The following ARSH variants were observed in gnomAD, a reference collection of about 807,000 sequenced individuals.
ARSH encodes arylsulfatase H.
In ARSH, 32 loss-of-function variants were observed where a neutral mutation model predicts 28.7. That is an observed-to-expected ratio of 1.11 (90% CI 0.84 to 1.50). The LOEUF (loss-of-function observed/expected upper bound fraction) is 1.50, where lower values mean the gene tolerates loss of function less well. ARSH is among the 40% of genes most tolerant of loss of function. The pLI, the probability that ARSH is intolerant of heterozygous loss-of-function variation, is 0.00. For missense variants in ARSH, 440 were observed against 452.4 expected, an observed-to-expected ratio of 0.97 and a Z score of 0.25; for synonymous variants, 176 against 177.3, an observed-to-expected ratio of 0.99 and a Z score of 0.06.
rs1001835813 is a variant in ARSH, at chrX:3,034,006, G to GA, written c.*625dup. On this transcript the variant is annotated 3_prime_UTR_variant, in exon 9 of 9. Transcript: ENST00000381130. Reference sequence around the variant, plus strand: ...TTGGTTTCTTCATGTGTAAAATAAGGAAAACCAGTGTCTACTTCACAGAGT... The same window carrying GA: ...TTGGTTTCTTCATGTGTAAAATAAGGAAAAACCAGTGTCTACTTCACAGAGT... 1.8e-5 allele frequency among the ~76,000 whole-genome samples: 2 copies of GA among 111,714 alleles called. No homozygotes were observed. The highest frequency in any genetic ancestry group is 3.8e-5 in the Non-Finnish European group (2 of 53,250).
rs1244098213 is a variant in ARSH at position 3,033,164 on chromosome X, T to G, written c.1468T>G (p.Ser490Ala). Reference protein sequence around the residue: ...PLLFDISRDPSEALPLNPDNE... With the variant: ...PLLFDISRDPAEALPLNPDNE... Reference sequence around the variant, plus strand: ...CCTCTTTGACATCTCAAGAGACCCTTCAGAAGCCCTTCCACTGAACCCTGA... The same window carrying G: ...CCTCTTTGACATCTCAAGAGACCCTGCAGAAGCCCTTCCACTGAACCCTGA... Residue 490 changes from serine to alanine, a missense_variant, in exon 9 of 9, where the codon TCA (serine) becomes GCA (alanine). Coordinates refer to ENST00000381130, the MANE Select transcript of ARSH (RefSeq NM_001011719.2). 2 of 1,211,180 alleles carry G rather than the reference T, an allele frequency of 1.7e-6. No homozygotes were observed. The highest frequency in any genetic ancestry group is 3.0e-5 in the East Asian group (1 of 33,807).
chrX:3,015,448 T>C (rs1176637943), intron 4 of ARSH, 55 bp downstream of exon 4: 5 of 1,103,593 alleles, frequency 4.5e-6, no homozygotes, highest in South Asian at 2.2e-5. Context: ...TTTTATTTCA[T>C]AGGAGGTCAT....
At chrX:3,027,218 C>A in intron 6 of ARSH, 95 bp from the exon 7 acceptor site, 2 of 1,004,481 alleles carry the variant, frequency 2.0e-6, no homozygotes, top group South Asian at 2.2e-5. Context: ...CCTCGGCCCC[C>A]CAAAGTGCTG....
intron 2 of ARSH, among the ~76,000 whole-genome samples, chrX:3,011,485 G>A (rs1464649764): frequency 9.0e-6 from 1 of 111,521 alleles, no homozygotes; most frequent in Non-Finnish European, 1.9e-5. Flanking sequence ...CTGGCCTCAT[G>A]TGTGATCCAC....
intron 3 of ARSH, among the ~76,000 whole-genome samples, 170 bp downstream of exon 3, chrX:3,013,342 A>G (rs1197619030): frequency 9.3e-6 from 1 of 107,987 alleles, no homozygotes; most frequent in Non-Finnish European, 1.9e-5. Flanking sequence ...GCATGTGTAG[A>G]ATCGAGGGCA....
In ARSH at chrX:3,014,843, G is replaced by C. The variant is rs746999483; in HGVS notation, c.341-127G>C. On this transcript the variant is annotated intron_variant, in intron 3 of 8. Coordinates refer to ENST00000381130, the MANE Select transcript of ARSH (RefSeq NM_001011719.2). ...CCAGGGAGGTATTTGGGGATATCAA[G>C]AAAAAACCATGATGACAACAGAATG... The C allele has an allele frequency of 6.3e-5, 44 of 699,278 alleles. No homozygotes were observed. In the East Asian group the frequency reaches 1.4e-3, roughly 23 times the overall value. 57.6% of individuals were successfully genotyped at this position (699,278 alleles called of 1,213,427 possible).
chrX:3,020,274 C>CAAAAAAAAA lies in ARSH; in HGVS notation c.901+1627_901+1635dup, dbSNP rs59713321. On this transcript the variant is annotated intron_variant, in intron 5 of 8. Coordinates refer to ENST00000381130, the MANE Select transcript of ARSH (RefSeq NM_001011719.2). ...ACCACTGTACTCCAAGACCCCGTCT[C>CAAAAAAAAA]AAAAAAAAAAAAAAAAAAAAAAAAA... Among the ~76,000 whole-genome samples, 20 of 13,845 alleles carry CAAAAAAAAA rather than the reference C, an allele frequency of 1.4e-3. 3 individuals carry two copies. The highest frequency in any genetic ancestry group is 8.5e-3 in the African/African-American group (19 of 2,247). The allele number at this position is 13,845 out of a possible 115,157, so 12.0% of individuals were successfully genotyped here.
At position 3,028,894 on chromosome X, in the gene ARSH, A is replaced by G. The variant is rs112756925; in HGVS notation, c.1200-353A>G. ...GGAGTTCGAGACCAGCCTGGCCAAC[A>G]TGGTGAAACCCCGTCTGTACTAAAA... On this transcript the variant is annotated intron_variant, in intron 7 of 8. Transcript: ENST00000381130. 6.5e-3 allele frequency among the ~76,000 whole-genome samples: 716 copies of G among 109,662 alleles called. 11 individuals are homozygous for G. The highest frequency in any genetic ancestry group is 0.022 in the African/African-American group (650 of 30,151).
At chrX:3,008,449 TTTTCTTTCTTTCTTTCTTTCTTTCTTTC>T (rs554017732) in intron 1 of ARSH, among the ~76,000 whole-genome samples, 117 of 75,854 alleles carry the variant, frequency 1.5e-3, no homozygotes, top group Admixed American at 2.8e-3. Flanking sequence ...CTTCTTCTTA[TTTTCTTTCTTTCTTTCTTTCTTTCTTTC>T]TTTCTTTCTT....
intron 2 of ARSH, among the ~76,000 whole-genome samples, chrX:3,012,596 T>TA (rs1357894018): frequency 0.036 from 868 of 24,047 alleles, 28 homozygotes; most frequent in Non-Finnish European, 0.044. Flanking sequence ...TATATATATA[T>TA]ATAATATATA....
chrX:3,020,364 C>T (rs1473300215), intron 5 of ARSH, among the ~76,000 whole-genome samples: 2 of 98,468 alleles, frequency 2.0e-5, no homozygotes, highest in East Asian at 6.4e-4. Context: ...CCGAGGCGGG[C>T]GGATCACAAA....
intron 1 of ARSH, among the ~76,000 whole-genome samples, chrX:3,007,205 C>A (rs2089830358): frequency 9.2e-6 from 1 of 108,442 alleles, no homozygotes; most frequent in African/African-American, 3.4e-5. Flanking sequence ...GCTATGATCC[C>A]ACCACTGCAC....
At position 3,012,116 on chromosome X, in the gene ARSH, C is replaced by T. The variant is rs757705715; in HGVS notation, c.215-931C>T. 1.6e-4 allele frequency among the ~76,000 whole-genome samples: 18 copies of T among 112,297 alleles called. No individual in the cohort carries two copies. In the East Asian group the frequency reaches 3.4e-3, roughly 21 times the overall value. ...CCTCCCAAAACACTGGGATTACAGG[C>T]GTAAGCCACTGAGCCCGGCCTGAAA... On this transcript the variant is annotated intron_variant, in intron 2 of 8. Coordinates refer to ENST00000381130, the MANE Select transcript of ARSH (RefSeq NM_001011719.2).
chrX:3,025,106 A>T (rs1260663008), intron 6 of ARSH, among the ~76,000 whole-genome samples: 2 of 109,304 alleles, frequency 1.8e-5, no homozygotes, highest in East Asian at 5.7e-4. Context: ...AATCATATAT[A>T]TTCATCATAT....
Position 3,015,114 on chromosome X carries a change from G to A in ARSH, c.485G>A (p.Trp162Ter). 2 of 1,210,010 alleles carry A rather than the reference G, an allele frequency of 1.7e-6. No homozygotes were observed. Among genetic ancestry groups the A allele is most frequent in the Non-Finnish European group, 2.2e-6 (2 of 894,664 alleles). ...QASKTPELHR[W>*]LRIKLWISTV... ...TCCAAGACACCAGAACTGCACCGCT[G>A]GCTCAGGATCAAACTGTGGATCTCC... is the stretch of plus-strand genomic sequence containing the variant. The change falls in exon 4 of 9, where the codon TGG (tryptophan) becomes TAG (stop). Residue 162 changes from tryptophan (W) to a stop codon, truncating the protein, a stop_gained. Transcript: ENST00000381130. LOFTEE classifies it high-confidence loss of function.
rs755907480 is a variant in ARSH at position 3,027,380 on chromosome X, C to G, written c.1104C>G (p.Val368=). 4 of 1,209,525 alleles carry G rather than the reference C, an allele frequency of 3.3e-6. No individual in the cohort carries two copies. The East Asian group carries it at 1.2e-4, about 36-fold the overall frequency. ...CAGGGATATTCCGGTGGCCGTCAGT[C>G]TTGGAGGCTGGGAGAGTGATCAATG... ...RVPGIFRWPS[V]LEAGRVINEP... Residue 368 remains valine (V), a synonymous_variant, in exon 7 of 9, where the codon GTC becomes GTG. Coordinates refer to ENST00000381130, the MANE Select transcript of ARSH (RefSeq NM_001011719.2).
At chrX:3,007,004 G>A (rs1378242976) in intron 1 of ARSH, among the ~76,000 whole-genome samples, 1 of 110,465 alleles carries the variant, frequency 9.1e-6, no homozygotes, top group Non-Finnish European at 1.9e-5. Context: ...CACTTTGGAA[G>A]GCCAAGGTGG....
At chrX:3,020,507 T>C (rs773898634) in intron 5 of ARSH, among the ~76,000 whole-genome samples, 2,507 of 95,742 alleles carry the variant, frequency 0.026, 99 homozygotes, top group African/African-American at 0.094. Context: ...GAGAATGGCG[T>C]GAACCTGGGA....
At chrX:3,026,238 G>A (rs887277729) in intron 6 of ARSH, among the ~76,000 whole-genome samples, 1 of 110,899 alleles carries the variant, frequency 9.0e-6, no homozygotes, top group Admixed American at 9.7e-5. Context: ...GGAGTTGGAA[G>A]CTGCAGTGAG....
Sources: gnomAD v4.1 joint callset for allele counts (sites outside exome capture counted in the v4.1 genomes callset) on GRCh38, gnomAD v4.1.1 for gene constraint, MANE v1.5 for transcripts, NCBI Gene and HGNC (gene_info 2026-07-23, HGNC 2026-07-21) for gene names.